Variants in POLH observed in about 807,000 individuals in gnomAD.
POLH encodes the protein DNA polymerase eta transcript.
POLH carries 53 observed loss-of-function variants against 73.6 expected under a neutral mutation model. That is an observed-to-expected ratio of 0.72 (90% confidence interval 0.58 to 0.91). The LOEUF (loss-of-function observed/expected upper bound fraction) is 0.91. POLH is among the 40% of genes least tolerant of loss of function. The pLI is 0.00. For synonymous variants in POLH, 292 were observed against 308.5 expected, an observed-to-expected ratio of 0.95 and a Z score of 0.56; for missense variants, 768 against 865.4, an observed-to-expected ratio of 0.89 and a Z score of 1.41.
rs946206811 is a variant in POLH, at chr6:43,583,058, G to T, written c.189G>T (p.Met63Ile). The change falls in exon 3 of 11, where the codon ATG becomes ATT. Residue 63 changes from methionine (M) to isoleucine (I), a missense_variant. By Grantham distance (10) the Met-to-Ile change is conservative. Transcript: ENST00000372236. ...EARAFGVTRS[M>I]WADDAKKLCP... Reference sequence around the variant, plus strand: ...GTGCATTTGGAGTCACTAGAAGTATGTGGGCAGATGATGCTAAGAAGTTAT... The same window carrying T: ...GTGCATTTGGAGTCACTAGAAGTATTTGGGCAGATGATGCTAAGAAGTTAT... The T allele has an allele frequency of 6.2e-7, 1 of 1,613,488 alleles. No individual in the cohort carries two copies. Among genetic ancestry groups the T allele is most frequent in the African/African-American group, 1.3e-5 (1 of 74,888 alleles).
chr6:43,597,606 T>C, intron 4 of POLH, 90 bp from the exon 5 acceptor site: 3 of 1,238,470 alleles, frequency 2.4e-6, no homozygotes, highest in Non-Finnish European at 3.5e-6. Context: ...TATGTCTAAA[T>C]ACCTGTAATC....
chr6:43,597,672 A>G (rs957490368), intron 4 of POLH, 24 bp from the exon 5 acceptor site: 5 of 1,599,022 alleles, frequency 3.1e-6, no homozygotes, highest in Non-Finnish European at 4.3e-6. Flanking sequence ...AAATGTCTAA[A>G]TGTGAGTTCT....
chr6:43,595,777 T>C (rs1448302746), intron 4 of POLH, among the ~76,000 whole-genome samples: 1 of 152,062 alleles, frequency 6.6e-6, no homozygotes, highest in South Asian at 2.1e-4. Context: ...AGCGAGATTC[T>C]ATCTCAAAAA....
rs769907355 is a variant in POLH, at chr6:43,617,157, C to T, written c.*2600C>T. On this transcript the variant is annotated 3_prime_UTR_variant, in exon 11 of 11. Coordinates refer to ENST00000372236, the MANE Select transcript of POLH (RefSeq NM_006502.3). ...GTGAGCCGAGATTTCCACTGCATTC[C>T]AGCCTGGGCGATAGAGTAACTCTGT... 5.9e-5 allele frequency among the ~76,000 whole-genome samples: 9 copies of T among 151,284 alleles called. No homozygotes were observed. The highest frequency in any genetic ancestry group is 1.3e-4 in the Non-Finnish European group (9 of 67,822).
At position 43,619,131 on chromosome 6, in the gene POLH, CTT is replaced by C. The variant is rs1768540635; in HGVS notation, c.*4576_*4577del. On this transcript the variant is annotated 3_prime_UTR_variant, in exon 11 of 11. Transcript: ENST00000372236. ...GTGGCTGATGCTTGTAATCCTAACACTTTGGGAGGCTGAGGTGGGTGGACTAC... is the reference window on the plus strand; with the variant it reads ...GTGGCTGATGCTTGTAATCCTAACACTGGGAGGCTGAGGTGGGTGGACTAC... Among the ~76,000 whole-genome samples the C allele has an allele frequency of 6.6e-6, 1 of 151,832 alleles. No homozygotes were observed. Among genetic ancestry groups the C allele is most frequent in the South Asian group, 2.1e-4 (1 of 4,826 alleles).
chr6:43,600,052 G>A (rs1766557857), intron 5 of POLH, among the ~76,000 whole-genome samples: 1 of 152,022 alleles, frequency 6.6e-6, no homozygotes, highest in South Asian at 2.1e-4. Flanking sequence ...CAGCTACTCA[G>A]GAGGCTGAGG....
intron 9 of POLH, among the ~76,000 whole-genome samples, chr6:43,609,372 CAA>C (rs1159631013): frequency 6.6e-6 from 1 of 152,214 alleles, no homozygotes; most frequent in Non-Finnish European, 1.5e-5. Context: ...TGTATTCCCT[CAA>C]GATATATAAA....
At chr6:43,606,167 A>G (rs1385830929) in intron 9 of POLH, among the ~76,000 whole-genome samples, 2 of 152,166 alleles carry the variant, frequency 1.3e-5, no homozygotes, top group South Asian at 2.1e-4. Context: ...AAAAAAAAAA[A>G]AAAGTAGTTA....
intron 1 of POLH, among the ~76,000 whole-genome samples, chr6:43,580,800 G>A (rs1250362341): frequency 1.5e-5 from 2 of 137,036 alleles, no homozygotes; most frequent in Non-Finnish European, 3.2e-5. Context: ...CTGGGCGGCT[G>A]GCCGGGCAGA....
intron 10 of POLH, among the ~76,000 whole-genome samples, chr6:43,612,616 G>C (rs1768014725): frequency 6.6e-6 from 1 of 151,834 alleles, no homozygotes; most frequent in Admixed American, 6.6e-5. Context: ...CAAAGTGCTG[G>C]GATTACAGGC....
chr6:43,596,586 A>G lies in POLH; in HGVS notation c.491-1110A>G, dbSNP rs374772288. On this transcript the variant is annotated intron_variant, in intron 4 of 10. Transcript: ENST00000372236. The stretch of plus-strand genomic sequence containing the variant: ...GGTTTTGTTGACTAAATGGCTGCAT[A>G]ATGAGGAATGAAAGAGAAAATAAGC... Among the ~76,000 whole-genome samples the G allele has an allele frequency of 2.6e-5, 4 of 152,218 alleles. No individual in the cohort carries two copies. The East Asian group carries it at 5.8e-4, about 22-fold the overall frequency.
In POLH at chr6:43,601,081, A is replaced by G. The variant is rs1427511522; in HGVS notation, c.754A>G (p.Ile252Val). ...SVPQLFSQMP[I>V]RKIRSLGGKL... ...CCCACAGCTCTTCAGCCAAATGCCC[A>G]TTCGCAAAATGTAAGTATTCAGGCA... Residue 252 changes from isoleucine (I) to valine (V), a missense_variant, in exon 6 of 11, where the codon ATT becomes GTT. Ile to Val is a conservative substitution (Grantham distance 29, BLOSUM62 3). Transcript: ENST00000372236. 16 of 1,608,692 alleles carry G rather than the reference A, an allele frequency of 9.9e-6. No homozygotes were observed. Among genetic ancestry groups the G allele is most frequent in the Non-Finnish European group, 1.3e-5 (15 of 1,175,128 alleles).
chr6:43,599,424 T>A (rs1359373969), intron 5 of POLH, among the ~76,000 whole-genome samples: 1 of 152,190 alleles, frequency 6.6e-6, no homozygotes, highest in Non-Finnish European at 1.5e-5. Context: ...CTATTTTAAT[T>A]TAGGGTACAC....
intron 8 of POLH, 42 bp from the exon 9 acceptor site, chr6:43,605,212 C>T (rs369142296): frequency 5.2e-5 from 60 of 1,151,840 alleles, no homozygotes; most frequent in Non-Finnish European, 7.5e-5. Flanking sequence ...TAATAGACTT[C>T]GAGTGTTTAA....
intron 1 of POLH, among the ~76,000 whole-genome samples, chr6:43,581,891 G>A (rs1390561394): frequency 6.6e-6 from 1 of 150,992 alleles, no homozygotes; most frequent in African/African-American, 2.4e-5. Flanking sequence ...GGCCTCCGGC[G>A]CCGCGACCTC....
chr6:43,614,704 G>T lies in POLH; in HGVS notation c.*147G>T. On this transcript the variant is annotated 3_prime_UTR_variant, in exon 11 of 11. Coordinates refer to ENST00000372236, the MANE Select transcript of POLH (RefSeq NM_006502.3). ...ATAATCCATTTAGGTGCTGAGTTAC[G>T]GTCCCATCTCTTCACAGGCATGGAT... The T allele has an allele frequency of 1.4e-6, 1 of 691,946 alleles. No individual in the cohort carries two copies. The highest frequency in any genetic ancestry group is 2.0e-5 in the South Asian group (1 of 50,366). 42.9% of individuals were successfully genotyped at this position (691,946 alleles called of 1,614,324 possible).
At chr6:43,594,244 GTAAAT>G (rs1765804067) in intron 4 of POLH, among the ~76,000 whole-genome samples, 1 of 152,156 alleles carries the variant, frequency 6.6e-6, no homozygotes, top group Admixed American at 6.5e-5. Context: ...TACAATTACA[GTAAAT>G]TATTCATATT....
At position 43,576,439 on chromosome 6, in the gene POLH, TG is replaced by T. The variant is rs1334696913; in HGVS notation, c.-5+1del. ...CAGTTTTGCCAGGTGTTTGTTACCT[TG>T]GTAAGAAAATTTAGAACCGTTCGCT... On this transcript the variant is annotated splice_region_variant and 5_prime_UTR_variant, in exon 1 of 11. Transcript: ENST00000372236. 1 of 152,258 alleles carries T rather than the reference TG, an allele frequency of 6.6e-6. No homozygotes were observed. The highest frequency in any genetic ancestry group is 1.9e-4 in the East Asian group (1 of 5,204). The allele number at this position is 152,258 out of a possible 1,614,324, so 9.4% of individuals were successfully genotyped here.
Position 43,604,477 on chromosome 6 carries a change from T to TC in POLH, c.885-136dup. On this transcript the variant is annotated intron_variant, in intron 7 of 10. Coordinates refer to ENST00000372236, the MANE Select transcript of POLH (RefSeq NM_006502.3). Reference sequence around the variant, plus strand: ...AGAAGGGCAGGGGTTTCGTCAGAGGTCCGGTACACTAAATTTTGGACAAGG... The same window carrying TC: ...AGAAGGGCAGGGGTTTCGTCAGAGGTCCCGGTACACTAAATTTTGGACAAGG... 3.5e-6 allele frequency: 3 copies of TC among 852,994 alleles called. No individual in the cohort carries two copies. In the South Asian group the frequency reaches 4.4e-5, roughly 13 times the overall value. The allele number at this position is 852,994 out of a possible 1,614,324, so 52.8% of individuals were successfully genotyped here.
Sources: gnomAD v4.1 joint callset for allele counts (sites outside exome capture counted in the v4.1 genomes callset) on GRCh38, gnomAD v4.1.1 for gene constraint, MANE v1.5 for transcripts, NCBI Gene and HGNC (gene_info 2026-07-23, HGNC 2026-07-21) for gene names.